Variants in SYDE2 observed in about 807,000 individuals in gnomAD.
SYDE2 encodes the protein rho GTPase-activating protein SYDE2.
Under a neutral mutation model 91.5 loss-of-function variants are expected in SYDE2, and 76 were observed. The observed-to-expected ratio is 0.83, with a 90% CI of 0.69 to 1.01. SYDE2 has a LOEUF of 1.01. Among genes scored for constraint, SYDE2 ranks in the 50% least tolerant of loss-of-function variants. The pLI, the probability that SYDE2 is intolerant of heterozygous loss-of-function variation, is 0.00. For missense variants in SYDE2, 1,364 were observed against 1,367.7 expected, an observed-to-expected ratio of 1.00 and a Z score of 0.04; for synonymous variants, 513 against 506.4, an observed-to-expected ratio of 1.01 and a Z score of -0.18.
At position 85,200,616 on chromosome 1, in the gene SYDE2, G is replaced by A. The variant is rs1658790754; in HGVS notation, c.381C>T (p.Asp127=). The change falls in exon 1 of 7, where the codon GAC becomes GAT. Residue 127 remains aspartate, a synonymous_variant. Transcript: ENST00000341460. The part of the protein sequence containing the change: ...DEPPPRGGRM[D]GWSGDRARAA... The stretch of plus-strand genomic sequence containing the variant: ...CCCGGGCGCGGTCCCCACTCCAGCC[G>A]TCCATCCTGCCTCCACGTGGCGGGG... The A allele has an allele frequency of 3.2e-6, 5 of 1,554,426 alleles. No individual in the cohort carries two copies. In the East Asian group the frequency reaches 1.2e-4, roughly 37 times the overall value.
chr1:85,177,737 A>G (rs1406348421), intron 4 of SYDE2, among the ~76,000 whole-genome samples: 5 of 152,170 alleles, frequency 3.3e-5, no homozygotes, highest in Admixed American at 3.3e-4. Context: ...AATCTCTATG[A>G]TATCACTCCC....
In SYDE2 at chr1:85,159,117, A is replaced by G. The variant is rs773832845; in HGVS notation, c.3218T>C (p.Leu1073Pro). ...GTCTAATCGGTTTTGCCTTGGCCTA[A>G]GTACTCCTGATGAATCAGTACCACT... ...NLSGTDSSGV[L>P]RPRQNRLDSP... is the part of the protein sequence containing the mutation. The change falls in exon 7 of 7, where the codon CTT (leucine) becomes CCT (proline). Residue 1073 changes from leucine to proline, a missense_variant. Leu to Pro is a moderately conservative substitution (Grantham distance 98, BLOSUM62 -3). Transcript: ENST00000341460. 4 of 780,776 alleles carry G rather than the reference A, an allele frequency of 5.1e-6. No individual in the cohort carries two copies. The Admixed American group carries it at 6.8e-5, about 13-fold the overall frequency. The allele number at this position is 780,776 out of a possible 1,614,324, so 48.4% of individuals were successfully genotyped here.
At chr1:85,179,166 T>C (rs1175500715) in intron 3 of SYDE2, among the ~76,000 whole-genome samples, 5 of 152,168 alleles carry the variant, frequency 3.3e-5, no homozygotes, top group Admixed American at 3.3e-4. Context: ...CATCTAAGAC[T>C]ATTTAGAAAG....
intron 2 of SYDE2, among the ~76,000 whole-genome samples, chr1:85,189,513 T>C (rs1462702318): frequency 2.6e-5 from 4 of 152,314 alleles, no homozygotes; most frequent in East Asian, 1.9e-4. Context: ...TCTCAAAGGA[T>C]TGACATATTA....
intron 2 of SYDE2, among the ~76,000 whole-genome samples, chr1:85,187,849 C>T (rs1480741861): frequency 8.2e-6 from 1 of 121,852 alleles, no homozygotes; most frequent in African/African-American, 3.3e-5. Flanking sequence ...GGGAACATCA[C>T]ACTCTGGGGA....
At chr1:85,192,938 C>T (rs1006845729) in intron 1 of SYDE2, among the ~76,000 whole-genome samples, 1 of 152,152 alleles carries the variant, frequency 6.6e-6, no homozygotes, top group African/African-American at 2.4e-5. Context: ...ATTAAAGTGG[C>T]TGCTGGTAAG....
At chr1:85,172,743 A>G (rs909937140) in intron 4 of SYDE2, among the ~76,000 whole-genome samples, 9 of 152,188 alleles carry the variant, frequency 5.9e-5, no homozygotes, top group Non-Finnish European at 8.8e-5. Context: ...CGACAGTTGA[A>G]GGGGAGCTAG....
intron 1 of SYDE2, among the ~76,000 whole-genome samples, chr1:85,195,536 T>A (rs928448103): frequency 3.3e-5 from 5 of 152,062 alleles, no homozygotes; most frequent in African/African-American, 1.2e-4. Flanking sequence ...CTTTTTTATT[T>A]TCATTCCCTT....
chr1:85,160,704 G>T (rs1033396592), intron 6 of SYDE2: 4 of 985,050 alleles, frequency 4.1e-6, no homozygotes. Flanking sequence ...GTGCTTAACT[G>T]TCATGCCTGT....
downstream of SYDE2, among the ~76,000 whole-genome samples, chr1:85,155,009 C>CAAAAAAAAAAAAAAAAAA: frequency 2.5e-4 from 20 of 80,582 alleles, no homozygotes; most frequent in Middle Eastern, 5.9e-3. Context: ...AAGAATGCAG[C>CAAAAAAAAAAAAAAAAAA]AAAAAAAAAA....
chr1:85,181,025 G>A (rs1461145082), intron 3 of SYDE2: 1 of 152,018 alleles, frequency 6.6e-6, no homozygotes, highest in African/African-American at 2.4e-5. Flanking sequence ...ACACAAACTG[G>A]AGACAGAATG....
chr1:85,159,314 G>A, intron 6 of SYDE2, 65 bp from the exon 7 acceptor site: 2 of 728,728 alleles, frequency 2.7e-6, no homozygotes, highest in East Asian at 2.4e-5. Context: ...AAAAAACAGA[G>A]CTAAAGATAA....
intron 4 of SYDE2, among the ~76,000 whole-genome samples, chr1:85,174,615 C>CT (rs1266118988): frequency 6.6e-6 from 1 of 152,124 alleles, no homozygotes; most frequent in Non-Finnish European, 1.5e-5. Flanking sequence ...CTACAAATTA[C>CT]TTTTTTAAAT....
At chr1:85,165,113 G>T (rs1209532813) in intron 5 of SYDE2, among the ~76,000 whole-genome samples, 1 of 151,988 alleles carries the variant, frequency 6.6e-6, no homozygotes, top group Non-Finnish European at 1.5e-5. Context: ...GGGTGCCTAC[G>T]ATCCCGGCTA....
intron 1 of SYDE2, among the ~76,000 whole-genome samples, chr1:85,196,244 G>A (rs539635832): frequency 6.6e-6 from 1 of 152,220 alleles, no homozygotes; most frequent in South Asian, 2.1e-4. Flanking sequence ...GTAAAACTTC[G>A]GGGATGTGAG....
intron 3 of SYDE2, 60 bp downstream of exon 3, chr1:85,182,038 C>G (rs1286363877): frequency 2.1e-6 from 3 of 1,461,742 alleles, no homozygotes; most frequent in Non-Finnish European, 1.8e-6. Flanking sequence ...TTTCTTCCCC[C>G]AAGACTTACA....
At chr1:85,180,128 G>A (rs1177407741) in intron 3 of SYDE2, among the ~76,000 whole-genome samples, 1 of 152,136 alleles carries the variant, frequency 6.6e-6, no homozygotes, top group Non-Finnish European at 1.5e-5. Flanking sequence ...AGCAGGAGAT[G>A]GGTGGTAGTA....
chr1:85,184,540 G>A (rs936184654), intron 2 of SYDE2, among the ~76,000 whole-genome samples: 10 of 151,860 alleles, frequency 6.6e-5, no homozygotes, highest in South Asian at 6.2e-4. Context: ...AAGATACCAA[G>A]TAAAAACAGC....
At chr1:85,153,890 C>T (rs1484974071), downstream of SYDE2, 1 of 152,288 alleles carries the variant, frequency 6.6e-6, no homozygotes, top group East Asian at 1.9e-4. Flanking sequence ...GAAACCACCA[C>T]CTAGACCAAA....
Sources: gnomAD v4.1 joint callset for allele counts (sites outside exome capture counted in the v4.1 genomes callset) on GRCh38, gnomAD v4.1.1 for gene constraint, MANE v1.5 for transcripts, NCBI Gene and HGNC (gene_info 2026-07-23, HGNC 2026-07-21) for gene names.